KHDRBS2: variants seen among roughly 807,000 people sequenced by gnomAD.
The protein encoded by KHDRBS2 is KH RNA binding domain containing, signal transduction associated 2, also known as KH domain-containing, RNA-binding, signal transduction-associated protein 2.
A neutral mutation model predicts 44.3 loss-of-function variants in KHDRBS2; 26 were observed. The ratio of observed to expected loss-of-function variants is 0.59; its 90% CI spans 0.43 to 0.81. The LOEUF (loss-of-function observed/expected upper bound fraction) is 0.81, where lower values mean the gene tolerates loss of function less well. Ranked by LOEUF, KHDRBS2 falls within the 40% of genes least tolerant of loss-of-function variation. The pLI is 0.00. For synonymous variants in KHDRBS2, 194 were observed against 151.1 expected, an observed-to-expected ratio of 1.28 and a Z score of -2.08; for missense variants, 476 against 433.1, an observed-to-expected ratio of 1.10 and a Z score of -0.88.
At chr6:61,741,639 CAG>C (rs1294425156) in intron 6 of KHDRBS2, among the ~76,000 whole-genome samples, 6 of 151,882 alleles carry the variant, frequency 4.0e-5, no homozygotes, top group African/African-American at 1.4e-4. Flanking sequence ...AGTAGGACCA[CAG>C]GAAATTGCCA....
the KHDRBS2 span, among the ~76,000 whole-genome samples, chr6:61,599,234 G>A: frequency 2.2e-4 from 33 of 152,100 alleles, 1 homozygote; most frequent in Admixed American, 8.5e-4. Flanking sequence ...TGATTTATAC[G>A]CTCTTTTTGA....
intron 5 of KHDRBS2, among the ~76,000 whole-genome samples, chr6:61,897,742 T>C (rs1803191264): frequency 6.6e-6 from 1 of 151,942 alleles, no homozygotes; most frequent in Non-Finnish European, 1.5e-5. Flanking sequence ...TCTCAATCAC[T>C]GTAACTCTTC....
intron 3 of KHDRBS2, among the ~76,000 whole-genome samples, chr6:62,020,784 C>A (rs1782121915): frequency 6.6e-6 from 1 of 152,002 alleles, no homozygotes. Flanking sequence ...GTTATCAAAT[C>A]TTTTCCCATG....
intron 4 of KHDRBS2, among the ~76,000 whole-genome samples, chr6:61,912,381 T>C (rs1190041748): frequency 1.3e-5 from 2 of 152,136 alleles, no homozygotes; most frequent in African/African-American, 4.8e-5. Flanking sequence ...CTTCCATTGG[T>C]TCTGCCTCAA....
At chr6:61,713,769 C>T (rs1770916523) in intron 7 of KHDRBS2, among the ~76,000 whole-genome samples, 1 of 151,572 alleles carries the variant, frequency 6.6e-6, no homozygotes, top group Non-Finnish European at 1.5e-5. Flanking sequence ...ACTGGCAAAA[C>T]TGACAACAAT....
At chr6:62,157,690 T>C (rs1816765147) in intron 2 of KHDRBS2, among the ~76,000 whole-genome samples, 2 of 152,210 alleles carry the variant, frequency 1.3e-5, no homozygotes, top group Non-Finnish European at 2.9e-5. Context: ...TAATATTATA[T>C]GTAGATTATT....
At chr6:62,234,951 C>T (rs916861210) in intron 1 of KHDRBS2, among the ~76,000 whole-genome samples, 1 of 151,412 alleles carries the variant, frequency 6.6e-6, no homozygotes, top group African/African-American at 2.4e-5. Flanking sequence ...ATTTAAAATG[C>T]TAGTATATCT....
intron 4 of KHDRBS2, among the ~76,000 whole-genome samples, chr6:61,956,054 G>A (rs1267350400): frequency 6.6e-6 from 1 of 151,970 alleles, no homozygotes; most frequent in South Asian, 2.1e-4. Flanking sequence ...TTAGCTGGGC[G>A]TGGTGGTGTG....
chr6:61,868,514 C>T (rs1370021155), intron 6 of KHDRBS2, among the ~76,000 whole-genome samples: 1 of 152,196 alleles, frequency 6.6e-6, no homozygotes, highest in Admixed American at 6.5e-5. Context: ...GCAAGGGTGG[C>T]TGGAGGCCCC....
chr6:61,847,748 AG>A (rs1165438367), intron 6 of KHDRBS2, among the ~76,000 whole-genome samples: 1 of 151,984 alleles, frequency 6.6e-6, no homozygotes, highest in African/African-American at 2.4e-5. Flanking sequence ...TCCTTCATGG[AG>A]AGGGTTTCCG....
the KHDRBS2 span, among the ~76,000 whole-genome samples, chr6:61,655,797 G>C: frequency 6.6e-6 from 1 of 152,036 alleles, no homozygotes; most frequent in Non-Finnish European, 1.5e-5. Flanking sequence ...TCACACATCA[G>C]AAAATCCTTG....
chr6:62,122,521 CA>C (rs1465156505), intron 2 of KHDRBS2, among the ~76,000 whole-genome samples: 1 of 152,140 alleles, frequency 6.6e-6, no homozygotes, highest in Non-Finnish European at 1.5e-5. Context: ...CCTGAGGAAA[CA>C]AGTGGGTTTC....
intron 8 of KHDRBS2, among the ~76,000 whole-genome samples, chr6:61,694,564 T>C (rs889023358): frequency 1.3e-5 from 2 of 152,202 alleles, no homozygotes; most frequent in African/African-American, 2.4e-5. Context: ...AAGAATGTGC[T>C]TGGAACAATA....
chr6:62,016,335 T>C (rs1584172671), intron 3 of KHDRBS2, among the ~76,000 whole-genome samples: 1 of 151,890 alleles, frequency 6.6e-6, no homozygotes, highest in Non-Finnish European at 1.5e-5. Context: ...TTACTTCTAG[T>C]CATACTAGCA....
chr6:62,279,833 T>A (rs2150195594), intron 1 of KHDRBS2, among the ~76,000 whole-genome samples: 2 of 152,166 alleles, frequency 1.3e-5, no homozygotes, highest in Middle Eastern at 3.4e-3. Context: ...GCGGAAGAGG[T>A]AGCAGAGGGG....
At chr6:61,707,663 G>A (rs2344111) in intron 7 of KHDRBS2, among the ~76,000 whole-genome samples, 120,789 of 151,494 alleles carry the variant, frequency 0.8, 48,631 homozygotes, top group African/African-American at 0.9. Flanking sequence ...CTCCGAATCC[G>A]GTCATGATTA....
At position 61,989,814 on chromosome 6, in the gene KHDRBS2, T is replaced by C. The variant is rs370867210; in HGVS notation, c.337-11602A>G. On this transcript the variant is annotated intron_variant, in intron 3 of 8. Coordinates refer to ENST00000281156, the MANE Select transcript of KHDRBS2 (RefSeq NM_152688.4). The stretch of plus-strand genomic sequence containing the variant: ...CCCTACTATCTCCATGCAATCAGCA[T>C]TGATTTGTCTTTTTGCCTGAGGGCT... Among the ~76,000 whole-genome samples the C allele has an allele frequency of 2.3e-3, 349 of 152,318 alleles. 2 individuals are homozygous for C. Among genetic ancestry groups the C allele is most frequent in the African/African-American group, 8.2e-3 (339 of 41,576 alleles).
intron 7 of KHDRBS2, among the ~76,000 whole-genome samples, chr6:61,705,236 T>G (rs548608545): frequency 6.6e-6 from 1 of 152,006 alleles, no homozygotes; most frequent in African/African-American, 2.4e-5. Context: ...TTGATTTTAC[T>G]CTTTCCGACT....
At chr6:62,198,136 G>C (rs879320241) in intron 1 of KHDRBS2, among the ~76,000 whole-genome samples, 1 of 152,072 alleles carries the variant, frequency 6.6e-6, no homozygotes, top group Non-Finnish European at 1.5e-5. Flanking sequence ...GAGAAAGCAG[G>C]AAAGATCTAA....
Sources: allele counts gnomAD v4.1 joint callset (sites outside exome capture counted in the v4.1 genomes callset), GRCh38; gene constraint gnomAD v4.1.1; transcripts MANE v1.5; gene names NCBI Gene and HGNC (gene_info 2026-07-23, HGNC 2026-07-21).